Variants in SUPT3H observed in about 807,000 individuals in gnomAD.
SUPT3H encodes the protein transcription initiation protein SPT3 homolog.
Under a neutral mutation model 44.3 loss-of-function variants are expected in SUPT3H, and 44 were observed. The observed-to-expected ratio is 0.99, with a 90% confidence interval of 0.78 to 1.28. The LOEUF (loss-of-function observed/expected upper bound fraction) is 1.28, where lower values mean the gene tolerates loss of function less well. SUPT3H is among the 50% of genes most tolerant of loss of function. SUPT3H has a pLI of 0.00. For synonymous variants in SUPT3H, 124 were observed against 125.6 expected, an observed-to-expected ratio of 0.99 and a Z score of 0.09; for missense variants, 380 against 387.1, an observed-to-expected ratio of 0.98 and a Z score of 0.15.
chr6:45,255,029 T>C (rs957667239), intron 2 of SUPT3H, among the ~76,000 whole-genome samples: 5 of 152,224 alleles, frequency 3.3e-5, no homozygotes, highest in African/African-American at 1.2e-4. Context: ...ATAATCCTTA[T>C]ATTACTTAAT....
chr6:44,976,000 T>C (rs1361088313), intron 6 of SUPT3H, among the ~76,000 whole-genome samples: 1 of 152,176 alleles, frequency 6.6e-6, no homozygotes, highest in Non-Finnish European at 1.5e-5. Context: ...AATTAAATTA[T>C]TTATTCCTCT....
At chr6:45,005,698 C>CT (rs1196906382) in intron 5 of SUPT3H, among the ~76,000 whole-genome samples, 1 of 88,850 alleles carries the variant, frequency 1.1e-5, no homozygotes, top group African/African-American at 5.5e-5. Context: ...CAAAACTCGT[C>CT]TCAAAAAAAA....
chr6:45,284,977 A>G (rs979015600), intron 2 of SUPT3H, among the ~76,000 whole-genome samples: 1 of 152,140 alleles, frequency 6.6e-6, no homozygotes, highest in East Asian at 1.9e-4. Context: ...TATAAACAGA[A>G]CCAAAGACAA....
chr6:45,303,922 G>T (rs972793399), intron 2 of SUPT3H, among the ~76,000 whole-genome samples: 1 of 151,668 alleles, frequency 6.6e-6, no homozygotes, highest in East Asian at 1.9e-4. Flanking sequence ...GAACCCAGGA[G>T]GGGGAGGTTG....
intron 10 of SUPT3H, among the ~76,000 whole-genome samples, chr6:44,885,880 T>A (rs544115123): frequency 7.2e-4 from 110 of 152,120 alleles, no homozygotes; most frequent in African/African-American, 2.6e-3. Context: ...AAAATTTAGA[T>A]GAATGTATAA....
At chr6:45,119,128 T>A (rs1031493456) in intron 2 of SUPT3H, among the ~76,000 whole-genome samples, 15 of 152,142 alleles carry the variant, frequency 9.9e-5, no homozygotes, top group Non-Finnish European at 1.8e-4. Flanking sequence ...TGCTGAGGTT[T>A]CACAATGTTT....
Position 45,241,973 on chromosome 6 carries a change from T to C in SUPT3H, c.101+123228A>G, listed in dbSNP as rs1770431479. Among the ~76,000 whole-genome samples the C allele has an allele frequency of 2.0e-5, 3 of 152,168 alleles. 1 individual carries two copies. The South Asian group carries it at 6.2e-4, about 32-fold the overall frequency. ...CACAAAGTGGTTATGTTTTACTCTA[T>C]CCAATAAAACATGATTAATAAGAAA... On this transcript the variant is annotated intron_variant, in intron 2 of 10. Transcript: ENST00000371459.
chr6:45,225,822 A>G (rs1159970678), intron 2 of SUPT3H, among the ~76,000 whole-genome samples: 1 of 152,190 alleles, frequency 6.6e-6, no homozygotes, highest in African/African-American at 2.4e-5. Context: ...GCACAATCCC[A>G]AAAGACCTGA....
intron 3 of SUPT3H, among the ~76,000 whole-genome samples, chr6:45,026,291 A>C (rs989019291): frequency 6.6e-6 from 1 of 152,104 alleles, no homozygotes; most frequent in Admixed American, 6.5e-5. Flanking sequence ...TAAATTTCCT[A>C]AGTTGGAGTT....
Position 45,020,391 on chromosome 6 carries a change from A to C in SUPT3H, c.273+155T>G, listed in dbSNP as rs577095443. ...CATAATAAATATCAATTCTTTTGTA[A>C]ACACATTTTGTCGTCCAAACCATGA... On this transcript the variant is annotated intron_variant, in intron 4 of 10. Transcript: ENST00000371459. Among the ~76,000 whole-genome samples, 4 of 152,074 alleles carry C rather than the reference A, an allele frequency of 2.6e-5. No individual in the cohort carries two copies. In the East Asian group the frequency reaches 7.7e-4, roughly 29 times the overall value.
intron 2 of SUPT3H, among the ~76,000 whole-genome samples, chr6:45,350,768 G>A (rs912351979): frequency 2.0e-5 from 3 of 152,118 alleles, no homozygotes; most frequent in Non-Finnish European, 4.4e-5. Context: ...TAAATGCCAG[G>A]TTCTAATCAG....
intron 2 of SUPT3H, among the ~76,000 whole-genome samples, chr6:45,181,022 G>A (rs1217517670): frequency 3.3e-5 from 5 of 150,190 alleles, no homozygotes; most frequent in South Asian, 2.2e-4. Context: ...AAATTTACAA[G>A]AAAAAAAACA....
intron 3 of SUPT3H, among the ~76,000 whole-genome samples, chr6:45,050,472 G>GT (rs1434104806): frequency 2.0e-5 from 3 of 151,850 alleles, no homozygotes; most frequent in African/African-American, 7.3e-5. Flanking sequence ...CCATAGTTTG[G>GT]TTTTCCATTT....
intron 2 of SUPT3H, among the ~76,000 whole-genome samples, chr6:45,267,027 T>C (rs924723853): frequency 1.3e-5 from 2 of 152,150 alleles, no homozygotes; most frequent in African/African-American, 4.8e-5. Context: ...CCTATAAGTA[T>C]AAGGTATATA....
chr6:44,996,604 T>C (rs1781304649), intron 6 of SUPT3H, among the ~76,000 whole-genome samples: 1 of 151,766 alleles, frequency 6.6e-6, no homozygotes. Flanking sequence ...CTCTGAAAAT[T>C]CCTAAAAGAA....
At chr6:44,865,128 C>T (rs1775303524) in intron 10 of SUPT3H, among the ~76,000 whole-genome samples, 1 of 152,230 alleles carries the variant, frequency 6.6e-6, no homozygotes, top group Non-Finnish European at 1.5e-5. Context: ...TTTGCTAAAA[C>T]CTAACAAGTG....
intron 2 of SUPT3H, among the ~76,000 whole-genome samples, chr6:45,120,719 G>A (rs1801541377): frequency 6.6e-6 from 1 of 152,074 alleles, no homozygotes; most frequent in South Asian, 2.1e-4. Context: ...CTCTATTCAT[G>A]CAAATAGCTG....
chr6:44,968,318 T>G (rs766542331), intron 6 of SUPT3H, among the ~76,000 whole-genome samples: 1 of 152,226 alleles, frequency 6.6e-6, no homozygotes, highest in African/African-American at 2.4e-5. Flanking sequence ...TGTGTATGCA[T>G]GTTTATATAT....
At chr6:45,175,079 G>A (rs912078147) in intron 2 of SUPT3H, among the ~76,000 whole-genome samples, 15 of 143,460 alleles carry the variant, frequency 1.0e-4, no homozygotes, top group African/African-American at 3.1e-4. Context: ...CCACATTTTT[G>A]CTGAATACTA....
Sources: allele counts gnomAD v4.1 joint callset (sites outside exome capture counted in the v4.1 genomes callset), GRCh38; gene constraint gnomAD v4.1.1; transcripts MANE v1.5; gene names NCBI Gene and HGNC (gene_info 2026-07-23, HGNC 2026-07-21).